NRG1: variants seen among roughly 807,000 people sequenced by gnomAD.
NRG1 encodes neuregulin 1, also known as pro-neuregulin-1, membrane-bound isoform.
NRG1 carries 18 observed loss-of-function variants against 63.8 expected under a neutral mutation model. The ratio of observed to expected loss-of-function variants is 0.28; its 90% confidence interval spans 0.19 to 0.42. The LOEUF is 0.42. Among genes scored for constraint, NRG1 ranks in the 10% least tolerant of loss-of-function variants. The pLI is 1.00. For missense variants in NRG1, 762 were observed against 814.7 expected, an observed-to-expected ratio of 0.94 and a Z score of 0.79; for synonymous variants, 302 against 301.3, an observed-to-expected ratio of 1.00 and a Z score of -0.02.
intron 6 of NRG1, among the ~76,000 whole-genome samples, chr8:32,732,111 C>G (rs573170330): frequency 6.5e-4 from 99 of 152,300 alleles, no homozygotes; most frequent in African/African-American, 2.3e-3. Context: ...ATTGCTTGGA[C>G]CTCCTCCTGG....
At chr8:32,547,111 A>G (rs3802160), upstream of NRG1, among the ~76,000 whole-genome samples, 59,530 of 152,054 alleles carry the variant, frequency 0.39, 12,738 homozygotes, top group Admixed American at 0.49. Flanking sequence ...GTCTAAGTTA[A>G]CCACAGCTGT....
chr8:32,158,450 T>TATATATATATATATATATATAC (rs1554641408), intron 1 of NRG1, among the ~76,000 whole-genome samples: 1 of 93,996 alleles, frequency 1.1e-5, no homozygotes, highest in Non-Finnish European at 2.0e-5. Context: ...GTTTACATGA[T>TATATATATATATATATATATAC]ATATATATAT....
chr8:31,839,403 G>C (rs544504341), intron 1 of NRG1, among the ~76,000 whole-genome samples: 2 of 152,256 alleles, frequency 1.3e-5, no homozygotes, highest in South Asian at 4.1e-4. Context: ...ATTGTTATTT[G>C]TGTGTATGCT....
In NRG1 at chr8:32,558,300, C is replaced by T. The variant is rs16879557; in HGVS notation, c.100+9474C>T. 0.047 allele frequency among the ~76,000 whole-genome samples: 7,144 copies of T among 152,240 alleles called. 1,106 individuals are homozygous for T. The East Asian group carries it at 0.62, about 13-fold the overall frequency. Reference sequence around the variant, plus strand: ...GATTACAGAATAAATATTATGCATTCGGTTTTCACTAAACTTAAAAAGCCC... The same window carrying T: ...GATTACAGAATAAATATTATGCATTTGGTTTTCACTAAACTTAAAAAGCCC... On this transcript the variant is annotated intron_variant, in intron 1 of 11. Transcript: ENST00000356819.
chr8:31,927,577 T>C (rs1366123560), intron 1 of NRG1, among the ~76,000 whole-genome samples: 2 of 148,024 alleles, frequency 1.4e-5, no homozygotes, highest in Non-Finnish European at 3.0e-5. Context: ...GCCTCCCAAG[T>C]AGCTGGGACT....
chr8:32,181,561 G>A (rs1030750630), intron 1 of NRG1, among the ~76,000 whole-genome samples: 24 of 152,184 alleles, frequency 1.6e-4, no homozygotes, highest in Non-Finnish European at 2.9e-4. Flanking sequence ...ACAAAGACCT[G>A]AATGTTATTT....
At chr8:32,061,345 A>G (rs1182241866) in intron 1 of NRG1, among the ~76,000 whole-genome samples, 3 of 151,978 alleles carry the variant, frequency 2.0e-5, no homozygotes, top group African/African-American at 7.2e-5. Context: ...CTGAGTGTGT[A>G]ATAAACTTCT....
In NRG1 at chr8:32,344,796, A is replaced by G. The variant is rs554169375; in HGVS notation, c.38-251032A>G. ...GAAAACTCCAAAAATTTATTTTGCAATTCAAAATATAAAAGTTTGTTAGTA... is the reference window on the plus strand; with the variant it reads ...GAAAACTCCAAAAATTTATTTTGCAGTTCAAAATATAAAAGTTTGTTAGTA... On this transcript the variant is annotated intron_variant, in intron 1 of 10. Coordinates refer to the NRG1 transcript ENST00000519301. Among the ~76,000 whole-genome samples the G allele has an allele frequency of 1.1e-3, 163 of 152,008 alleles. 1 individual carries two copies. Among genetic ancestry groups the G allele is most frequent in the African/African-American group, 3.7e-3 (152 of 41,456 alleles).
intron 1 of NRG1, among the ~76,000 whole-genome samples, chr8:32,155,387 TATTTACTGCCATAAATCTC>T (rs1480556140): frequency 6.6e-6 from 1 of 152,216 alleles, no homozygotes; most frequent in Non-Finnish European, 1.5e-5. Context: ...TTGGCCAAGT[TATTTACTGCCATAAATCTC>T]ATTTTTTTTC....
chr8:32,635,170 A>G (rs946728138), intron 5 of NRG1, among the ~76,000 whole-genome samples: 3 of 152,230 alleles, frequency 2.0e-5, no homozygotes, highest in Admixed American at 6.5e-5. Flanking sequence ...AAGAAAAGGA[A>G]AACTATAAGA....
intron 1 of NRG1, among the ~76,000 whole-genome samples, chr8:32,420,770 G>A (rs1345743659): frequency 6.6e-6 from 1 of 152,070 alleles, no homozygotes; most frequent in African/African-American, 2.4e-5. Context: ...CACTGATATG[G>A]TTTGGCTGTA....
chr8:31,735,875 G>A lies in NRG1; in HGVS notation c.37+96444G>A, dbSNP rs191862152. Reference sequence around the variant, plus strand: ...CCCATCCATAAGAAATTCTCTGCATGTATCTAGAACTTGGCACTTCTTACC... The same window carrying A: ...CCCATCCATAAGAAATTCTCTGCATATATCTAGAACTTGGCACTTCTTACC... On this transcript the variant is annotated intron_variant, in intron 1 of 10. Coordinates refer to the NRG1 transcript ENST00000519301. 3.9e-3 allele frequency among the ~76,000 whole-genome samples: 587 copies of A among 152,264 alleles called. 1 individual carries two copies. The highest frequency in any genetic ancestry group is 0.019 in the South Asian group (90 of 4,826).
intron 1 of NRG1, among the ~76,000 whole-genome samples, chr8:31,776,944 T>C (rs1586333068): frequency 1.3e-5 from 2 of 152,284 alleles, no homozygotes; most frequent in East Asian, 3.9e-4. Context: ...TTTACACTGT[T>C]GGTGGGGCTG....
intron 1 of NRG1, among the ~76,000 whole-genome samples, chr8:32,224,756 TA>T (rs1199480292): frequency 6.6e-6 from 1 of 152,186 alleles, no homozygotes; most frequent in Admixed American, 6.5e-5. Flanking sequence ...GAACACTGCA[TA>T]GGGGTCAGAA....
intron 1 of NRG1, among the ~76,000 whole-genome samples, chr8:31,835,556 C>G (rs1825612845): frequency 6.6e-6 from 1 of 152,126 alleles, no homozygotes; most frequent in South Asian, 2.1e-4. Flanking sequence ...TTATCAGACC[C>G]AGGTGAGTGG....
chr8:32,348,467 G>T (rs1805185977), intron 1 of NRG1, among the ~76,000 whole-genome samples: 1 of 152,166 alleles, frequency 6.6e-6, no homozygotes, highest in South Asian at 2.1e-4. Context: ...CAGTCAAAAT[G>T]TTAGCAGAGA....
rs74646798 is a variant in NRG1 at position 32,082,264 on chromosome 8, A to T, written c.37+442833A>T. On this transcript the variant is annotated intron_variant, in intron 1 of 10. Coordinates refer to the NRG1 transcript ENST00000519301. ...CATATGCAGATTTGTTATATAGGTA[A>T]ACTAATGTCATAGGGGTTTGTAATA... Among the ~76,000 whole-genome samples the T allele has an allele frequency of 8.7e-3, 1,325 of 151,754 alleles. 26 individuals are homozygous for T. The highest frequency in any genetic ancestry group is 0.031 in the African/African-American group (1,261 of 41,334).
At chr8:31,843,321 CA>C (rs1381182261) in intron 1 of NRG1, among the ~76,000 whole-genome samples, 2 of 152,138 alleles carry the variant, frequency 1.3e-5, no homozygotes, top group African/African-American at 2.4e-5. Flanking sequence ...TTCACCTTTG[CA>C]GGGGGTGGTT....
intron 1 of NRG1, among the ~76,000 whole-genome samples, chr8:31,841,790 G>T (rs565481870): frequency 1.1e-3 from 161 of 152,218 alleles, no homozygotes; most frequent in South Asian, 4.8e-3. Flanking sequence ...AATAATTCAA[G>T]GAATCATAGC....
Sources: gnomAD v4.1 joint callset for allele counts (sites outside exome capture counted in the v4.1 genomes callset) on GRCh38, gnomAD v4.1.1 for gene constraint, MANE v1.5 for transcripts, NCBI Gene and HGNC (gene_info 2026-07-23, HGNC 2026-07-21) for gene names.